Variants in ANKHD1 observed in about 807,000 individuals in gnomAD.
The protein encoded by ANKHD1 is ankyrin repeat and KH domain containing 1.
In ANKHD1, 31 loss-of-function variants were observed where a neutral mutation model predicts 230.5. That is an observed-to-expected ratio of 0.13 (90% CI 0.10 to 0.18). ANKHD1 has a LOEUF of 0.18. ANKHD1 is among the 10% of genes least tolerant of loss of function. The pLI is 1.00. For missense variants in ANKHD1, 2,256 were observed against 3,071.3 expected (o/e 0.73, Z 6.27); for synonymous variants, 1,074 against 1,117.6 (o/e 0.96, Z 0.78).
intron 31 of ANKHD1, 164 bp downstream of exon 31, chr5:140,537,753 T>C: frequency 8.5e-7 from 1 of 1,180,016 alleles, no homozygotes. Flanking sequence ...CAGTCCAATT[T>C]CAGAGTCTGG....
At chr5:140,515,621 GTCCCTGACCCCTGA>G (rs1261057802) in intron 24 of ANKHD1, among the ~76,000 whole-genome samples, 3 of 152,184 alleles carry the variant, frequency 2.0e-5, no homozygotes, top group Admixed American at 6.5e-5. Context: ...CCTCAAGTGG[GTCCCTGACCCCTGA>G]TCCCTGACCC....
At chr5:140,534,188 C>A (rs576860271) in intron 29 of ANKHD1, among the ~76,000 whole-genome samples, 1 of 152,140 alleles carries the variant, frequency 6.6e-6, no homozygotes, top group South Asian at 2.1e-4. Context: ...GTCAGGAGAT[C>A]GAGACCATCC....
At chr5:140,513,335 A>G in intron 23 of ANKHD1, 28 bp from the exon 24 acceptor site, 1 of 1,583,740 alleles carries the variant, frequency 6.3e-7, no homozygotes, top group Non-Finnish European at 8.6e-7. Flanking sequence ...TTCATTATAT[A>G]TTTACATAAT....
chr5:140,500,665 A>AAAAAGAAAAG (rs1554092038), intron 15 of ANKHD1, among the ~76,000 whole-genome samples: 33 of 115,502 alleles, frequency 2.9e-4, no homozygotes, highest in African/African-American at 9.1e-4. Context: ...AAAAAAAAAA[A>AAAAAGAAAAG]AAAAGAAAAG....
At chr5:140,439,738 A>C (rs76526337) in intron 3 of ANKHD1, among the ~76,000 whole-genome samples, 3 of 152,116 alleles carry the variant, frequency 2.0e-5, no homozygotes, top group African/African-American at 7.2e-5. Context: ...AAAAAATTGC[A>C]AAAAAATTTC....
intron 1 of ANKHD1, among the ~76,000 whole-genome samples, chr5:140,425,661 A>G (rs1400713737): frequency 1.3e-5 from 2 of 152,182 alleles, no homozygotes; most frequent in Admixed American, 6.5e-5. Flanking sequence ...GTTAATGAAT[A>G]TAGCCTTTTT....
intron 14 of ANKHD1, among the ~76,000 whole-genome samples, chr5:140,488,193 A>G (rs1751590166): frequency 6.6e-6 from 1 of 152,232 alleles, no homozygotes; most frequent in African/African-American, 2.4e-5. Context: ...ATTTAAAGCT[A>G]AATGCCTCTG....
intron 5 of ANKHD1, among the ~76,000 whole-genome samples, chr5:140,442,427 G>A (rs1270791146): frequency 2.0e-5 from 3 of 152,030 alleles, no homozygotes; most frequent in Non-Finnish European, 4.4e-5. Flanking sequence ...GTGGGGGAGG[G>A]AGGAGGGGAT....
At chr5:140,458,988 A>ATG (rs1775481134) in intron 8 of ANKHD1, 126 bp downstream of exon 8, 3 of 18,132 alleles carry the variant, frequency 1.7e-4, no homozygotes, top group Non-Finnish European at 2.8e-4. Context: ...ATGCATATAT[A>ATG]TATATATGCA....
rs548946339 is a variant in ANKHD1, at chr5:140,487,080, T to G, written c.2245+20T>G. 79 of 1,600,296 alleles carry G rather than the reference T, an allele frequency of 4.9e-5. No homozygotes were observed. The highest frequency in any genetic ancestry group is 6.6e-5 in the Non-Finnish European group (77 of 1,174,490). On this transcript the variant is annotated intron_variant, in intron 14 of 33. Coordinates refer to ENST00000360839, the MANE Select transcript of ANKHD1 (RefSeq NM_017747.3). Reference sequence around the variant, plus strand: ...AAAAAGGTTAGTTATTGAATTATTTTTCTTAAAATGGGTATTTTTTCACCT... The same window carrying G: ...AAAAAGGTTAGTTATTGAATTATTTGTCTTAAAATGGGTATTTTTTCACCT...
rs1773364614 is a variant in ANKHD1 at position 140,435,434 on chromosome 5, A to G, written c.307-670A>G. 2.0e-5 allele frequency among the ~76,000 whole-genome samples: 3 copies of G among 151,496 alleles called. No individual in the cohort carries two copies. In the South Asian group the frequency reaches 6.3e-4, roughly 32 times the overall value. Reference sequence around the variant, plus strand: ...GCTGTGTTGCCCAGGCTAGAGTACAATGGCACGATCTCGGCTCACAGCAAC... The same window carrying G: ...GCTGTGTTGCCCAGGCTAGAGTACAGTGGCACGATCTCGGCTCACAGCAAC... On this transcript the variant is annotated intron_variant, in intron 1 of 33. Coordinates refer to ENST00000360839, the MANE Select transcript of ANKHD1 (RefSeq NM_017747.3).
At chr5:140,426,550 G>A (rs1000044560) in intron 1 of ANKHD1, among the ~76,000 whole-genome samples, 2 of 151,366 alleles carry the variant, frequency 1.3e-5, no homozygotes, top group East Asian at 3.9e-4. Flanking sequence ...ATCATTCTTG[G>A]GTGTTTCTCG....
intron 15 of ANKHD1, 48 bp downstream of exon 15, chr5:140,497,326 T>C: frequency 1.3e-6 from 2 of 1,538,426 alleles, no homozygotes; most frequent in Non-Finnish European, 1.7e-6. Context: ...ATCTGTGTGC[T>C]GAACTTCTTT....
chr5:140,503,157 C>T (rs1303711371), intron 15 of ANKHD1, among the ~76,000 whole-genome samples: 1 of 152,116 alleles, frequency 6.6e-6, no homozygotes, highest in South Asian at 2.1e-4. Context: ...TTACATTTTT[C>T]TTTAAGTCCT....
chr5:140,425,879 C>T (rs1305616520), intron 1 of ANKHD1, among the ~76,000 whole-genome samples: 1 of 152,122 alleles, frequency 6.6e-6, no homozygotes, highest in African/African-American at 2.4e-5. Flanking sequence ...TTATGTCCTT[C>T]AGTAATTACT....
Position 140,528,599 on chromosome 5 carries a change from C to T in ANKHD1, c.5653C>T (p.Pro1885Ser). 1.9e-6 allele frequency: 3 copies of T among 1,614,188 alleles called. No individual in the cohort carries two copies. The highest frequency in any genetic ancestry group is 2.5e-6 in the Non-Finnish European group (3 of 1,180,032). The change falls in exon 29 of 34, where the codon CCT (proline) becomes TCT (serine). Residue 1885 changes from proline to serine, a missense_variant. Transcript: ENST00000360839. ...GTTTGGAGGAACCTTCTCACCTTCT[C>T]CTAACACATGGGGACCATTCCCAGT... ...AQFGGTFSPS[P>S]NTWGPFPVRP...
chr5:140,490,687 G>A (rs890585493), intron 14 of ANKHD1, among the ~76,000 whole-genome samples: 1 of 152,172 alleles, frequency 6.6e-6, no homozygotes, highest in African/African-American at 2.4e-5. Context: ...TTGATCTTTT[G>A]CAAGTTGTGT....
At chr5:140,415,700 A>T (rs1463472340) in intron 1 of ANKHD1, among the ~76,000 whole-genome samples, 1 of 151,862 alleles carries the variant, frequency 6.6e-6, no homozygotes, top group Non-Finnish European at 1.5e-5. Context: ...TGCCTCCCAA[A>T]GTGCTGGGAT....
chr5:140,412,024 A>G lies in ANKHD1; in HGVS notation c.306+9751A>G, dbSNP rs562650853. On this transcript the variant is annotated intron_variant, in intron 1 of 33. Coordinates refer to ENST00000360839, the MANE Select transcript of ANKHD1 (RefSeq NM_017747.3). Reference sequence around the variant, plus strand: ...CAGGCGCACACCACCGTACCCTGCTAATTTTTAAATTAAATTTAATTAATT... The same window carrying G: ...CAGGCGCACACCACCGTACCCTGCTGATTTTTAAATTAAATTTAATTAATT... 4.6e-5 allele frequency among the ~76,000 whole-genome samples: 7 copies of G among 151,634 alleles called. No individual in the cohort carries two copies. The South Asian group carries it at 6.3e-4, about 14-fold the overall frequency.
Sources: allele counts gnomAD v4.1 joint callset (sites outside exome capture counted in the v4.1 genomes callset), GRCh38; gene constraint gnomAD v4.1.1; transcripts MANE v1.5; gene names NCBI Gene and HGNC (gene_info 2026-07-23, HGNC 2026-07-21).